Variants in SLC2A13 observed in about 807,000 individuals in gnomAD.
The protein encoded by SLC2A13 is solute carrier family 2 member 13, also known as proton myo-inositol cotransporter.
In SLC2A13, 32 loss-of-function variants were observed where a neutral mutation model predicts 64.4. The observed-to-expected ratio is 0.50, with a 90% CI of 0.37 to 0.67. The LOEUF (loss-of-function observed/expected upper bound fraction) is 0.67. Ranked by LOEUF, SLC2A13 falls within the 30% of genes least tolerant of loss-of-function variation. The pLI, the probability that SLC2A13 is intolerant of heterozygous loss-of-function variation, is 0.00. For missense variants in SLC2A13, 743 were observed against 829.2 expected (o/e 0.90, Z 1.28); for synonymous variants, 338 against 327.1 (o/e 1.03, Z -0.36).
chr12:39,809,625 C>A (rs1192252144), intron 7 of SLC2A13, among the ~76,000 whole-genome samples: 1 of 152,122 alleles, frequency 6.6e-6, no homozygotes, highest in Non-Finnish European at 1.5e-5. Context: ...CATTTAGCAT[C>A]AGGTATATCT....
At chr12:39,921,110 A>G (rs1945608138) in intron 4 of SLC2A13, among the ~76,000 whole-genome samples, 2 of 152,120 alleles carry the variant, frequency 1.3e-5, no homozygotes, top group Admixed American at 1.3e-4. Context: ...GGTTTTATAC[A>G]TAGGGTTTCT....
At chr12:39,993,216 T>A (rs531269346) in intron 3 of SLC2A13, among the ~76,000 whole-genome samples, 6 of 152,248 alleles carry the variant, frequency 3.9e-5, no homozygotes, top group African/African-American at 1.4e-4. Context: ...TAGATATACA[T>A]AAATAGCAAT....
chr12:40,095,572 T>C (rs547448229), intron 1 of SLC2A13, among the ~76,000 whole-genome samples: 1 of 152,372 alleles, frequency 6.6e-6, no homozygotes, highest in East Asian at 1.9e-4. Context: ...TCCCAATTAC[T>C]AGGCACTTGG....
intron 4 of SLC2A13, among the ~76,000 whole-genome samples, chr12:39,908,785 G>C (rs1396663890): frequency 6.6e-6 from 1 of 151,952 alleles, no homozygotes; most frequent in African/African-American, 2.4e-5. Context: ...TAGAGGTAAG[G>C]TAAAAAGCAG....
chr12:39,823,505 C>T (rs1303354734), intron 7 of SLC2A13, among the ~76,000 whole-genome samples: 1 of 152,128 alleles, frequency 6.6e-6, no homozygotes, highest in Admixed American at 6.5e-5. Flanking sequence ...TTTTGTAATA[C>T]ATTTGGTCTT....
chr12:39,830,342 C>T (rs905599583), intron 6 of SLC2A13, 114 bp from the exon 7 acceptor site: 2 of 1,469,944 alleles, frequency 1.4e-6, no homozygotes, highest in Non-Finnish European at 9.0e-7. Flanking sequence ...AAGCTTGGGG[C>T]CTTGGGACTT....
intron 7 of SLC2A13, among the ~76,000 whole-genome samples, chr12:39,793,678 G>T (rs1467654992): frequency 2.0e-5 from 3 of 152,126 alleles, no homozygotes; most frequent in East Asian, 3.9e-4. Flanking sequence ...TGGGACCTCT[G>T]ATTTTAGGCA....
At chr12:39,950,044 G>A (rs936820507) in intron 4 of SLC2A13, 7 of 152,172 alleles carry the variant, frequency 4.6e-5, no homozygotes, top group African/African-American at 1.7e-4. Context: ...TATTGAACAT[G>A]TAGTCTCGAA....
intron 4 of SLC2A13, among the ~76,000 whole-genome samples, chr12:39,883,166 A>G (rs1382022766): frequency 6.6e-6 from 1 of 152,230 alleles, no homozygotes; most frequent in East Asian, 1.9e-4. Context: ...AATTATAATA[A>G]GTAACGCTCA....
chr12:39,760,353 C>A lies in SLC2A13; in HGVS notation c.1721-101G>T. ...GACTTTTTTTTTCTGGTCAGTCATGCATAATCACAGTATGAAATGGACCAA... is the reference window on the plus strand; with the variant it reads ...GACTTTTTTTTTCTGGTCAGTCATGAATAATCACAGTATGAAATGGACCAA... On this transcript the variant is annotated intron_variant, in intron 9 of 9. Transcript: ENST00000280871. 1.1e-5 allele frequency: 12 copies of A among 1,070,804 alleles called. No individual in the cohort carries two copies. The South Asian group carries it at 1.5e-4, about 13-fold the overall frequency. 66.3% of individuals were successfully genotyped at this position (1,070,804 alleles called of 1,614,324 possible). A position where few individuals can be genotyped will look rare whatever the true frequency, so the allele number is the denominator to read the frequency against.
At chr12:39,956,633 T>G (rs1946318140) in intron 3 of SLC2A13, among the ~76,000 whole-genome samples, 1 of 152,106 alleles carries the variant, frequency 6.6e-6, no homozygotes, top group South Asian at 2.1e-4. Flanking sequence ...GAAACAACAA[T>G]GTTTGATCAA....
chr12:39,774,282 C>G (rs114861546), intron 7 of SLC2A13, among the ~76,000 whole-genome samples: 1,652 of 152,244 alleles, frequency 0.011, 27 homozygotes, highest in African/African-American at 0.037. Context: ...TAAATTTACT[C>G]TAAGCAACCC....
intron 7 of SLC2A13, among the ~76,000 whole-genome samples, chr12:39,767,068 C>A (rs1940380402): frequency 6.6e-6 from 1 of 152,072 alleles, no homozygotes; most frequent in Admixed American, 6.6e-5. Context: ...AGAAGATTTT[C>A]ACTTTACTTG....
chr12:39,981,084 T>C (rs901536267), intron 3 of SLC2A13, among the ~76,000 whole-genome samples: 59 of 151,716 alleles, frequency 3.9e-4, no homozygotes, highest in Non-Finnish European at 6.9e-4. Flanking sequence ...ACTGGGTACA[T>C]AACGAAATGA....
chr12:39,768,305 C>T (rs7302849), intron 7 of SLC2A13, among the ~76,000 whole-genome samples: 126,331 of 152,076 alleles, frequency 0.83, 52,683 homozygotes, highest in African/African-American at 0.86. Flanking sequence ...CTCAAACTTT[C>T]TTCATATCGG....
chr12:40,062,785 T>A (rs891821175), intron 1 of SLC2A13, among the ~76,000 whole-genome samples: 1 of 152,192 alleles, frequency 6.6e-6, no homozygotes, highest in Non-Finnish European at 1.5e-5. Flanking sequence ...ACATTAATTA[T>A]GCTCTAAATT....
chr12:39,994,391 A>AC (rs2136171448), intron 3 of SLC2A13, among the ~76,000 whole-genome samples: 1 of 151,928 alleles, frequency 6.6e-6, no homozygotes, highest in African/African-American at 2.4e-5. Context: ...TCAAAAAAAA[A>AC]AAAAACAAAA....
chr12:39,891,121 T>A (rs1305776066), intron 4 of SLC2A13, among the ~76,000 whole-genome samples: 1 of 42,064 alleles, frequency 2.4e-5, no homozygotes, highest in Non-Finnish European at 6.2e-5. Context: ...CAAATATACC[T>A]TTTTTTTTTT....
At chr12:39,846,958 T>G (rs1269698935) in intron 6 of SLC2A13, among the ~76,000 whole-genome samples, 1 of 152,166 alleles carries the variant, frequency 6.6e-6, no homozygotes, top group Non-Finnish European at 1.5e-5. Flanking sequence ...AGATCACTCA[T>G]TTTGAACAAA....
Sources: allele counts gnomAD v4.1 joint callset (sites outside exome capture counted in the v4.1 genomes callset), GRCh38; gene constraint gnomAD v4.1.1; transcripts MANE v1.5; gene names NCBI Gene and HGNC (gene_info 2026-07-23, HGNC 2026-07-21).